SUDS3: variants seen among roughly 807,000 people sequenced by gnomAD.
SUDS3 encodes sin3 histone deacetylase corepressor complex component SDS3.
A neutral mutation model predicts 53.5 loss-of-function variants in SUDS3; 23 were observed. That is an observed-to-expected ratio of 0.43 (90% confidence interval 0.31 to 0.61). SUDS3 has a LOEUF of 0.61. Ranked by LOEUF, SUDS3 falls within the 20% of genes least tolerant of loss-of-function variation. The pLI is 0.10. For synonymous variants in SUDS3, 150 were observed against 148.5 expected (o/e 1.01, Z -0.08); for missense variants, 291 against 405.9 (o/e 0.72, Z 2.43).
rs1490510675 is a variant in SUDS3, at chr12:118,417,677, G to A, written c.*3244G>A. On this transcript the variant is annotated 3_prime_UTR_variant, in exon 12 of 12. Transcript: ENST00000543473. The stretch of plus-strand genomic sequence containing the variant: ...TGAATGTAAAATATAAAAGGTATAG[G>A]TTTTTTTTTTTTTTTAAAGAAAACA... 7.2e-6 allele frequency: 1 copy of A among 139,620 alleles called. No individual in the cohort carries two copies. The highest frequency in any genetic ancestry group is 2.4e-4 in the South Asian group (1 of 4,242). The allele number at this position is 139,620 out of a possible 1,614,324, so 8.6% of individuals were successfully genotyped here.
intron 11 of SUDS3, among the ~76,000 whole-genome samples, chr12:118,413,575 A>G (rs749561924): frequency 6.6e-6 from 1 of 152,200 alleles, no homozygotes; most frequent in East Asian, 1.9e-4. Context: ...ACCCTGGCTC[A>G]GGGGGTCAGG....
In SUDS3 at chr12:118,408,179, G is replaced by A. The variant is rs373293410; in HGVS notation, c.804-2894G>A. On this transcript the variant is annotated intron_variant, in intron 10 of 11. Transcript: ENST00000543473. ...CTCCCAAAGTGCTGGGATTACAGGC[G>A]TAAGCCACTACGCCTGGCCAATTTT... 5.4e-4 allele frequency among the ~76,000 whole-genome samples: 82 copies of A among 152,114 alleles called. No homozygotes were observed. In the South Asian group the frequency reaches 0.017, roughly 31 times the overall value.
intron 11 of SUDS3, among the ~76,000 whole-genome samples, chr12:118,412,670 G>A (rs1488645064): frequency 1.3e-5 from 2 of 152,286 alleles, no homozygotes; most frequent in East Asian, 3.9e-4. Context: ...TGGCCTTCTA[G>A]TACCTGACCC....
intron 10 of SUDS3, among the ~76,000 whole-genome samples, chr12:118,407,376 A>G (rs2141389377): frequency 6.6e-6 from 1 of 152,296 alleles, no homozygotes; most frequent in Non-Finnish European, 1.5e-5. Flanking sequence ...TTTGGGAAGC[A>G]TGTTGGCCAC....
chr12:118,408,336 T>C (rs1384371903), intron 10 of SUDS3, among the ~76,000 whole-genome samples: 2 of 124,274 alleles, frequency 1.6e-5, no homozygotes, highest in East Asian at 4.5e-4. Context: ...ACCTGGCCAG[T>C]TTTTTTTTTT....
Position 118,414,530 on chromosome 12 carries a change from G to T in SUDS3, c.*97G>T, listed in dbSNP as rs1415344156. ...TTAATAGAAAAATGTTAACTTACTGGGAATAGCTACTCAGCCTTGGAAATG... is the reference window on the plus strand; with the variant it reads ...TTAATAGAAAAATGTTAACTTACTGTGAATAGCTACTCAGCCTTGGAAATG... On this transcript the variant is annotated 3_prime_UTR_variant, in exon 12 of 12. Transcript: ENST00000543473. The T allele has an allele frequency of 2.0e-6, 2 of 1,006,412 alleles. No homozygotes were observed. The highest frequency in any genetic ancestry group is 3.3e-5 in the African/African-American group (2 of 60,886). 62.3% of individuals were successfully genotyped at this position (1,006,412 alleles called of 1,614,324 possible). A position where few individuals can be genotyped will look rare whatever the true frequency, so the allele number is the denominator to read the frequency against.
At chr12:118,379,930 C>T (rs897715973) in intron 1 of SUDS3, among the ~76,000 whole-genome samples, 1 of 152,182 alleles carries the variant, frequency 6.6e-6, no homozygotes, top group East Asian at 1.9e-4. Context: ...GATACTACAA[C>T]CTGAGGATAC....
intron 6 of SUDS3, among the ~76,000 whole-genome samples, chr12:118,398,124 C>T (rs1212634308): frequency 6.6e-6 from 1 of 152,048 alleles, no homozygotes; most frequent in African/African-American, 2.4e-5. Flanking sequence ...ATAGTTTTTT[C>T]CTGCCTGAAA....
chr12:118,393,271 G>T (rs566665855), intron 6 of SUDS3, among the ~76,000 whole-genome samples: 1 of 152,162 alleles, frequency 6.6e-6, no homozygotes, highest in South Asian at 2.1e-4. Context: ...GCCCAGCTCT[G>T]CCCTGAAAAA....
intron 3 of SUDS3, among the ~76,000 whole-genome samples, chr12:118,384,877 G>A (rs1354981155): frequency 6.6e-6 from 1 of 151,990 alleles, no homozygotes; most frequent in East Asian, 1.9e-4. Context: ...GTGAGGGATT[G>A]GAATCCCAGT....
intron 6 of SUDS3, among the ~76,000 whole-genome samples, chr12:118,397,314 T>C (rs972115076): frequency 1.3e-5 from 2 of 152,132 alleles, no homozygotes; most frequent in African/African-American, 4.8e-5. Flanking sequence ...TTGGGACTCT[T>C]AGAGTCCCAG....
intron 9 of SUDS3, chr12:118,402,394 G>A (rs910638647): frequency 3.1e-5 from 7 of 224,072 alleles, no homozygotes; most frequent in African/African-American, 1.2e-4. Flanking sequence ...GTGGCTTTTC[G>A]TGGCCTGACT....
At chr12:118,377,330 G>C (rs1273557609) in intron 1 of SUDS3, among the ~76,000 whole-genome samples, 1 of 152,050 alleles carries the variant, frequency 6.6e-6, no homozygotes, top group Admixed American at 6.6e-5. Flanking sequence ...TTTAAATTTG[G>C]CTTTGTCACT....
Position 118,376,763 on chromosome 12 carries a change from C to T in SUDS3, c.72C>T (p.Pro24=), listed in dbSNP as rs1461243275. Residue 24 remains proline, a synonymous_variant, in exon 1 of 12, where the codon CCC becomes CCT. Transcript: ENST00000543473. ...CGCCGCCGGCCCCCGAGTACTACCC[C>T]GAGGAGGATGAAGAGCTGGAGAGCG... is the stretch of plus-strand genomic sequence containing the variant. ...AGAPPAPEYY[P]EEDEELESAE... is the part of the protein sequence containing the mutation. 2 of 1,550,288 alleles carry T rather than the reference C, an allele frequency of 1.3e-6. No homozygotes were observed. The highest frequency in any genetic ancestry group is 1.2e-5 in the South Asian group (1 of 84,022).
At chr12:118,383,697 T>A (rs1190941211) in intron 2 of SUDS3, among the ~76,000 whole-genome samples, 1 of 152,250 alleles carries the variant, frequency 6.6e-6, no homozygotes, top group Non-Finnish European at 1.5e-5. Flanking sequence ...TGTGTGTGCT[T>A]GCCTGTTTAT....
chr12:118,392,952 A>G (rs1390062018), intron 6 of SUDS3, among the ~76,000 whole-genome samples: 2 of 152,218 alleles, frequency 1.3e-5, no homozygotes, highest in Admixed American at 1.3e-4. Context: ...TGAGCCTGCC[A>G]GGGTAGAAAA....
At chr12:118,386,259 C>T in intron 4 of SUDS3, 74 bp downstream of exon 4, 1 of 1,183,190 alleles carries the variant, frequency 8.5e-7, no homozygotes, top group Non-Finnish European at 1.2e-6. Flanking sequence ...GTAATGCAGC[C>T]CTAAGAGCTA....
rs552774965 is a variant in SUDS3 at position 118,385,580 on chromosome 12, T to C, written c.269-534T>C. Among the ~76,000 whole-genome samples the C allele has an allele frequency of 7.0e-4, 106 of 152,328 alleles. 1 individual carries two copies. Among genetic ancestry groups the C allele is most frequent in the African/African-American group, 2.5e-3 (103 of 41,562 alleles). On this transcript the variant is annotated intron_variant, in intron 3 of 11. Transcript: ENST00000543473. ...GAAATGAATAGCGATTTGGTTAGAATCTATACCTGAATTGTTTAATGCTGT... is the reference window on the plus strand; with the variant it reads ...GAAATGAATAGCGATTTGGTTAGAACCTATACCTGAATTGTTTAATGCTGT...
intron 2 of SUDS3, among the ~76,000 whole-genome samples, chr12:118,382,619 G>A (rs1393069475): frequency 6.6e-6 from 1 of 150,944 alleles, no homozygotes; most frequent in Non-Finnish European, 1.5e-5. Context: ...CTCCTGTTTC[G>A]GCCTCCTGGA....
Sources: gnomAD v4.1 joint callset for allele counts (sites outside exome capture counted in the v4.1 genomes callset) on GRCh38, gnomAD v4.1.1 for gene constraint, MANE v1.5 for transcripts, NCBI Gene and HGNC (gene_info 2026-07-23, HGNC 2026-07-21) for gene names.